Variants in PLD1 observed in about 807,000 individuals in gnomAD.
PLD1 encodes phospholipase D1, also known as choline phosphatase 1.
PLD1 carries 112 observed loss-of-function variants against 137.1 expected under a neutral mutation model. That is an observed-to-expected ratio of 0.82 (90% CI 0.70 to 0.96). The LOEUF is 0.96. Ranked by LOEUF, PLD1 falls within the 40% of genes least tolerant of loss-of-function variation. The pLI, the probability that PLD1 is intolerant of heterozygous loss-of-function variation, is 0.00. For missense variants in PLD1, 1,321 were observed against 1,342.0 expected (o/e 0.98, Z 0.24); for synonymous variants, 431 against 454.7 (o/e 0.95, Z 0.66).
chr3:171,640,176 T>A (rs963577815), intron 23 of PLD1, among the ~76,000 whole-genome samples: 2 of 151,876 alleles, frequency 1.3e-5, no homozygotes, highest in African/African-American at 4.8e-5. Flanking sequence ...CCCTCCAATC[T>A]CTGTTATTTA....
At position 171,668,042 on chromosome 3, in the gene PLD1, G is replaced by A. The variant is rs185976795; in HGVS notation, c.2230-5872C>T. On this transcript the variant is annotated intron_variant, in intron 19 of 26. Coordinates refer to ENST00000351298, the MANE Select transcript of PLD1 (RefSeq NM_002662.5). ...GCTAGGATTACAGGCATGAGCCACCGCACTAGACCCCCACTAGTTACCGTT... is the reference window on the plus strand; with the variant it reads ...GCTAGGATTACAGGCATGAGCCACCACACTAGACCCCCACTAGTTACCGTT... Among the ~76,000 whole-genome samples the A allele has an allele frequency of 4.6e-5, 7 of 152,264 alleles. No homozygotes were observed. In the East Asian group the frequency reaches 7.7e-4, roughly 17 times the overall value.
At chr3:171,633,515 T>A (rs1734852961) in intron 23 of PLD1, among the ~76,000 whole-genome samples, 1 of 152,068 alleles carries the variant, frequency 6.6e-6, no homozygotes, top group Non-Finnish European at 1.5e-5. Context: ...AGGGATAGCA[T>A]TAGGAAAAAT....
chr3:171,723,493 T>C (rs1268556200), intron 8 of PLD1, among the ~76,000 whole-genome samples: 1 of 152,220 alleles, frequency 6.6e-6, no homozygotes, highest in Non-Finnish European at 1.5e-5. Context: ...TACCTAGACG[T>C]GGAACTGCTA....
rs752166174 is a variant in PLD1 at position 171,737,631 on chromosome 3, G to A, written c.189C>T (p.Asn63=). 3 of 1,574,800 alleles carry A rather than the reference G, an allele frequency of 1.9e-6. No individual in the cohort carries two copies. The highest frequency in any genetic ancestry group is 2.6e-6 in the Non-Finnish European group (3 of 1,147,440). ...EVYIPFSAIY[N]TQGFKEPNIQ... ...TATTAGGCTCCTTAAATCCTTGAGT[G>A]TTATAAATAGCAGAGAAAGGGATAT... Residue 63 remains asparagine (N), a synonymous_variant, in exon 3 of 27, where the codon AAC becomes AAT. Coordinates refer to ENST00000351298, the MANE Select transcript of PLD1 (RefSeq NM_002662.5).
At chr3:171,615,553 T>C (rs766164981) in intron 24 of PLD1, among the ~76,000 whole-genome samples, 2 of 152,240 alleles carry the variant, frequency 1.3e-5, no homozygotes, top group Non-Finnish European at 2.9e-5. Flanking sequence ...AACTTTGTGT[T>C]CATCATGCTC....
At chr3:171,645,580 C>T (rs9863552) in intron 21 of PLD1, among the ~76,000 whole-genome samples, 26,571 of 151,798 alleles carry the variant, frequency 0.18, 2,431 homozygotes, top group South Asian at 0.24. Context: ...TTACCCTAGG[C>T]CCTTTAAGAA....
At chr3:171,710,588 C>T (rs957323543) in intron 9 of PLD1, among the ~76,000 whole-genome samples, 1 of 152,192 alleles carries the variant, frequency 6.6e-6, no homozygotes, top group Non-Finnish European at 1.5e-5. Context: ...TGCTCCCTCG[C>T]CCACTGCTCA....
intron 13 of PLD1, among the ~76,000 whole-genome samples, chr3:171,691,436 T>C (rs1715143714): frequency 1.3e-5 from 2 of 152,184 alleles, no homozygotes; most frequent in Non-Finnish European, 2.9e-5. Flanking sequence ...TGTAGTGACA[T>C]GTTTAAATTC....
intron 9 of PLD1, among the ~76,000 whole-genome samples, chr3:171,713,290 T>C (rs556179595): frequency 2.6e-4 from 40 of 152,214 alleles, no homozygotes; most frequent in Non-Finnish European, 5.1e-4. Flanking sequence ...TGAAACCCCG[T>C]CTCTATCAAA....
In PLD1 at chr3:171,765,709, A is replaced by G. The variant is rs192954923; in HGVS notation, c.-31-27627T>C. 2.5e-3 allele frequency among the ~76,000 whole-genome samples: 386 copies of G among 152,276 alleles called. 1 individual carries two copies. Among genetic ancestry groups the G allele is most frequent in the Non-Finnish European group, 4.7e-3 (323 of 68,010 alleles). ...GGGGAAGTATGAAGTCAGCTACTCT[A>G]AGGTTTTCTTCTGTCTTCAGCATTC... On this transcript the variant is annotated intron_variant, in intron 1 of 26. Transcript: ENST00000351298.
At chr3:171,736,708 CT>C (rs1320291879) in intron 3 of PLD1, among the ~76,000 whole-genome samples, 1 of 152,136 alleles carries the variant, frequency 6.6e-6, no homozygotes, top group African/African-American at 2.4e-5. Flanking sequence ...GCCCTGACAG[CT>C]GGTTATTAAT....
At chr3:171,642,124 A>G (rs1255354539) in intron 23 of PLD1, among the ~76,000 whole-genome samples, 2 of 152,164 alleles carry the variant, frequency 1.3e-5, no homozygotes, top group Non-Finnish European at 2.9e-5. Flanking sequence ...TAGTTACAAT[A>G]TATTGTAGCC....
chr3:171,693,881 C>T (rs934680922), intron 12 of PLD1, among the ~76,000 whole-genome samples: 20 of 152,110 alleles, frequency 1.3e-4, no homozygotes, highest in Non-Finnish European at 2.6e-4. Context: ...AGATATCTTA[C>T]TGGGTTGAAC....
At chr3:171,739,029 CA>C (rs1198996269) in intron 1 of PLD1, among the ~76,000 whole-genome samples, 1 of 152,132 alleles carries the variant, frequency 6.6e-6, no homozygotes, top group Non-Finnish European at 1.5e-5. Context: ...ACTGAGCATC[CA>C]CCACATGTGA....
intron 1 of PLD1, among the ~76,000 whole-genome samples, chr3:171,791,238 C>T (rs1384344767): frequency 6.6e-6 from 1 of 152,156 alleles, no homozygotes; most frequent in Non-Finnish European, 1.5e-5. Flanking sequence ...GTAAAAAAAC[C>T]TCACACTAGC....
intron 23 of PLD1, among the ~76,000 whole-genome samples, chr3:171,623,845 G>A (rs1412667627): frequency 2.0e-5 from 3 of 151,994 alleles, no homozygotes; most frequent in African/African-American, 7.2e-5. Flanking sequence ...ACCTGAAAAA[G>A]ATAAAACTCC....
At chr3:171,753,368 T>C (rs1236369118) in intron 1 of PLD1, among the ~76,000 whole-genome samples, 1 of 152,220 alleles carries the variant, frequency 6.6e-6, no homozygotes, top group Non-Finnish European at 1.5e-5. Flanking sequence ...TGCCAAACTT[T>C]GACGAACTGG....
At chr3:171,656,756 C>G (rs959787778) in intron 21 of PLD1, among the ~76,000 whole-genome samples, 11 of 152,200 alleles carry the variant, frequency 7.2e-5, no homozygotes, top group Non-Finnish European at 1.3e-4. Flanking sequence ...TAGATCCCCT[C>G]ACCATGGGAT....
chr3:171,683,604 T>A (rs1350434522), intron 16 of PLD1, among the ~76,000 whole-genome samples: 1 of 152,216 alleles, frequency 6.6e-6, no homozygotes, highest in African/African-American at 2.4e-5. Flanking sequence ...ATGAGAGATG[T>A]ATTCTCCGAT....
Sources: gnomAD v4.1 joint callset for allele counts (sites outside exome capture counted in the v4.1 genomes callset) on GRCh38, gnomAD v4.1.1 for gene constraint, MANE v1.5 for transcripts, NCBI Gene and HGNC (gene_info 2026-07-23, HGNC 2026-07-21) for gene names.